The following SHH variants were observed in gnomAD, a reference collection of about 807,000 sequenced individuals.
SHH encodes the protein sonic hedgehog protein.
SHH carries 3 observed loss-of-function variants against 16.6 expected under a neutral mutation model. The ratio of observed to expected loss-of-function variants is 0.18; its 90% CI spans 0.08 to 0.47. SHH has a LOEUF of 0.47. Ranked by LOEUF, SHH falls within the 20% of genes least tolerant of loss-of-function variation. The probability of loss-of-function intolerance (pLI) is 0.98; values close to 1 mark genes in which losing one functional copy is unlikely to be tolerated. For missense variants in SHH, 499 were observed against 665.0 expected, an observed-to-expected ratio of 0.75 and a Z score of 2.75; for synonymous variants, 351 against 316.2, an observed-to-expected ratio of 1.11 and a Z score of -1.17.
At chr7:155,808,025 A>G (rs1803410924) in intron 1 of SHH, among the ~76,000 whole-genome samples, 1 of 152,162 alleles carries the variant, frequency 6.6e-6, no homozygotes, top group South Asian at 2.1e-4. Context: ...CGCAACAGGA[A>G]AAGTCCTGTG....
chr7:155,805,626 T>C (rs1343185490), intron 2 of SHH, among the ~76,000 whole-genome samples: 1 of 152,168 alleles, frequency 6.6e-6, no homozygotes, highest in Non-Finnish European at 1.5e-5. Context: ...CAACAGCGTG[T>C]GGCGTTGCAG....
At chr7:155,806,677 T>A in intron 1 of SHH, 120 bp from the exon 2 acceptor site, 1 of 1,289,462 alleles carries the variant, frequency 7.8e-7, no homozygotes, top group African/African-American at 1.5e-5. Context: ...TGCGGAGAGG[T>A]GGGGAGACGG....
chr7:155,810,994 T>TC (rs1278957393), intron 1 of SHH, among the ~76,000 whole-genome samples: 2 of 152,196 alleles, frequency 1.3e-5, no homozygotes, highest in South Asian at 4.1e-4. Context: ...TAGCTTCCCC[T>TC]CCCCCCACAC....
At chr7:155,805,669 C>A (rs1803338924) in intron 2 of SHH, among the ~76,000 whole-genome samples, 1 of 152,164 alleles carries the variant, frequency 6.6e-6, no homozygotes, top group Admixed American at 6.5e-5. Flanking sequence ...CCGACTCGGG[C>A]CGGCGTTTCG....
chr7:155,810,753 C>A (rs1287369426), intron 1 of SHH, among the ~76,000 whole-genome samples: 2 of 152,240 alleles, frequency 1.3e-5, no homozygotes, highest in Non-Finnish European at 2.9e-5. Context: ...CCTGCACTTG[C>A]GCCCCACCAG....
rs1468089344 is a variant in SHH, at chr7:155,800,771, C to T, written c.*2129G>A. 13 of 395,352 alleles carry T rather than the reference C, an allele frequency of 3.3e-5. No homozygotes were observed. In the East Asian group the frequency reaches 3.6e-4, roughly 11 times the overall value. 24.5% of individuals were successfully genotyped at this position (395,352 alleles called of 1,614,324 possible). A position where few individuals can be genotyped will look rare whatever the true frequency, so the allele number is the denominator to read the frequency against. On this transcript the variant is annotated 3_prime_UTR_variant, in exon 3 of 3. Transcript: ENST00000297261. ...CATCCACCTGGTCACACACCCTCCA[C>T]GGAAGGCCACTCAAGGGCAGACCCG...
Position 155,800,873 on chromosome 7 carries a change from TCC to T in SHH, c.*2025_*2026del. On this transcript the variant is annotated 3_prime_UTR_variant, in exon 3 of 3. Transcript: ENST00000297261. ...CCAGGTGGGGCTGAAGTCTGTTCACTCCTGTTCCCTAAGCCTGGACCACCTTC... is the reference window on the plus strand; with the variant it reads ...CCAGGTGGGGCTGAAGTCTGTTCACTTGTTCCCTAAGCCTGGACCACCTTC... 1 of 334,256 alleles carries T rather than the reference TCC, an allele frequency of 3.0e-6. No individual in the cohort carries two copies. Among genetic ancestry groups the T allele is most frequent in the South Asian group, 2.4e-5 (1 of 42,486 alleles). 20.7% of individuals were successfully genotyped at this position (334,256 alleles called of 1,614,324 possible).
intron 1 of SHH, among the ~76,000 whole-genome samples, chr7:155,808,617 G>T (rs866161632): frequency 6.6e-6 from 1 of 152,208 alleles, no homozygotes; most frequent in Non-Finnish European, 1.5e-5. Context: ...CGCGGCCTCG[G>T]CTGGCGGCCT....
At chr7:155,808,906 T>C (rs1225257374) in intron 1 of SHH, 1 of 152,242 alleles carries the variant, frequency 6.6e-6, no homozygotes, top group Non-Finnish European at 1.5e-5. Context: ...GCGTCCCAGC[T>C]TCAAGACAGC....
chr7:155,802,986 ACCAG>A lies in SHH; in HGVS notation c.1299_1302del (p.Trp434ThrfsTer8). On this transcript the variant is annotated frameshift_variant, in exon 3 of 3. Coordinates refer to ENST00000297261, the MANE Select transcript of SHH (RefSeq NM_000193.4). LOFTEE classifies it low-confidence loss of function (END_TRUNC). ...CCTATTTGGTAGAGCAGCTGCGAGT[ACCAG>A]TGGATGCCCGCGGTGGCCCCCGCAC... 6.4e-7 allele frequency: 1 copy of A among 1,554,948 alleles called. No homozygotes were observed. The highest frequency in any genetic ancestry group is 8.7e-7 in the Non-Finnish European group (1 of 1,151,556).
intron 2 of SHH, among the ~76,000 whole-genome samples, chr7:155,804,094 T>A (rs1803282903): frequency 6.6e-6 from 1 of 152,146 alleles, no homozygotes; most frequent in African/African-American, 2.4e-5. Flanking sequence ...GTGTTTGCTC[T>A]GCACTTGGAT....
intron 2 of SHH, among the ~76,000 whole-genome samples, chr7:155,806,030 G>C (rs754198027): frequency 7.2e-5 from 11 of 152,234 alleles, no homozygotes; most frequent in Non-Finnish European, 1.5e-4. Flanking sequence ...CCCACCCCCT[G>C]CAGTGGGGGC....
rs1803450951 is a variant in SHH, at chr7:155,809,367, G to T, written c.300+2456C>A. On this transcript the variant is annotated intron_variant, in intron 1 of 2. Transcript: ENST00000297261. This position sits in a 1 kb window ranked among gnomAD's most constrained non-coding sequence, Gnocchi z 6.1. ...CTAGGTGGTTATTTAAAATGAGGGC[G>T]GCCGAGCAGGCTCCCCAAACCTCCC... 6.6e-6 allele frequency among the ~76,000 whole-genome samples: 1 copy of T among 152,002 alleles called. No individual in the cohort carries two copies. Among genetic ancestry groups the T allele is most frequent in the Admixed American group, 6.5e-5 (1 of 15,278 alleles).
Position 155,812,178 on chromosome 7 carries a change from T to C in SHH, c.-56A>G. The stretch of plus-strand genomic sequence containing the variant: ...GTCCCCGTGCGGGTCCGTGCGCGAG[T>C]GCGCGCGGCGGGTGTGTGCGTGTGC... On this transcript the variant is annotated 5_prime_UTR_variant, in exon 1 of 3. Coordinates refer to ENST00000297261, the MANE Select transcript of SHH (RefSeq NM_000193.4). The C allele has an allele frequency of 6.4e-7, 1 of 1,559,956 alleles. No individual in the cohort carries two copies. The highest frequency in any genetic ancestry group is 8.8e-7 in the Non-Finnish European group (1 of 1,131,988).
chr7:155,808,307 C>T (rs1479480820), intron 1 of SHH, among the ~76,000 whole-genome samples: 1 of 152,258 alleles, frequency 6.6e-6, no homozygotes, highest in African/African-American at 2.4e-5. Flanking sequence ...ACCACCAACA[C>T]GCACAGGGAC....
rs1318302392 is a variant in SHH at position 155,802,098 on chromosome 7, A to G, written c.*802T>C. 1 of 131,176 alleles carries G rather than the reference A, an allele frequency of 7.6e-6. No individual in the cohort carries two copies. Among genetic ancestry groups the G allele is most frequent in the South Asian group, 2.6e-4 (1 of 3,918 alleles). 8.1% of individuals were successfully genotyped at this position (131,176 alleles called of 1,614,324 possible). On this transcript the variant is annotated 3_prime_UTR_variant, in exon 3 of 3. Transcript: ENST00000297261. Reference sequence around the variant, plus strand: ...GTCCAAAAAAAAAAAAAAAAAAAAAAAAGAAAAGAAAAGAAAAAGAAAAGT... The same window carrying G: ...GTCCAAAAAAAAAAAAAAAAAAAAAGAAGAAAAGAAAAGAAAAAGAAAAGT...
chr7:155,811,691 G>T, intron 1 of SHH, 132 bp downstream of exon 1: 1 of 887,126 alleles, frequency 1.1e-6, no homozygotes, highest in Non-Finnish European at 1.9e-6. Context: ...GCGGGCAGGT[G>T]GGTGGGGAAG....
intron 2 of SHH, among the ~76,000 whole-genome samples, chr7:155,805,251 G>T (rs1219767379): frequency 6.6e-6 from 1 of 152,022 alleles, no homozygotes; most frequent in Non-Finnish European, 1.5e-5. Flanking sequence ...CGCGAGGTGG[G>T]GGCGCCGCCT....
At position 155,802,774 on chromosome 7, in the gene SHH, T is replaced by G; in HGVS notation, c.*126A>C. 1 of 573,246 alleles carries G rather than the reference T, an allele frequency of 1.7e-6. No homozygotes were observed. Among genetic ancestry groups the G allele is most frequent in the Non-Finnish European group, 2.7e-6 (1 of 377,056 alleles). 35.5% of individuals were successfully genotyped at this position (573,246 alleles called of 1,614,324 possible). A position where few individuals can be genotyped will look rare whatever the true frequency, so the allele number is the denominator to read the frequency against. ...AGAGTCTACTTTGGACTGTCCTACT[T>G]TATTATTCTTATTCTTATTATAACT... On this transcript the variant is annotated 3_prime_UTR_variant, in exon 3 of 3. Transcript: ENST00000297261.
Sources: gnomAD v4.1 joint callset for allele counts (sites outside exome capture counted in the v4.1 genomes callset) on GRCh38, gnomAD v4.1.1 for gene constraint, Gnocchi (gnomAD v3.1) non-coding constraint, MANE v1.5 for transcripts, NCBI Gene and HGNC (gene_info 2026-07-23, HGNC 2026-07-21) for gene names.